The following LNX2 variants were observed in gnomAD, a reference collection of about 807,000 sequenced individuals.
The protein encoded by LNX2 is ligand of numb-protein X 2, also known as ligand of Numb protein X 2.
LNX2 carries 35 observed loss-of-function variants against 66.2 expected under a neutral mutation model. The ratio of observed to expected loss-of-function variants is 0.53; its 90% CI spans 0.40 to 0.70. The LOEUF is 0.70. Among genes scored for constraint, LNX2 ranks in the 30% least tolerant of loss-of-function variants. LNX2 has a pLI of 0.00. For missense variants in LNX2, 791 were observed against 850.8 expected (o/e 0.93, Z 0.87); for synonymous variants, 337 against 315.6 (o/e 1.07, Z -0.72).
chr13:27,548,449 G>A lies in LNX2; in HGVS notation c.1959C>T (p.Ala653=), dbSNP rs375661178. Residue 653 remains alanine (A), a synonymous_variant, in exon 10 of 10, where the codon GCC becomes GCT. Transcript: ENST00000316334. ...GRLKCGDMIV[A]VNGLSTVGMS... ...TGCCCACGGTTGACAGCCCATTTAC[G>A]GCCACAATCATGTCACCACACCTGG... 5.0e-6 allele frequency: 8 copies of A among 1,613,732 alleles called. No individual in the cohort carries two copies. The African/African-American group carries it at 5.3e-5, about 11-fold the overall frequency.
intron 2 of LNX2, among the ~76,000 whole-genome samples, chr13:27,578,298 T>C (rs1009879062): frequency 6.6e-6 from 1 of 152,244 alleles, no homozygotes; most frequent in African/African-American, 2.4e-5. Context: ...GCAACTTTTA[T>C]ACAATGACTC....
intron 1 of LNX2, among the ~76,000 whole-genome samples, chr13:27,590,431 C>A (rs1406620576): frequency 6.6e-6 from 1 of 151,810 alleles, no homozygotes; most frequent in Non-Finnish European, 1.5e-5. Context: ...GTTGGTCAGG[C>A]TGGTCTCGAA....
chr13:27,588,021 C>CCAAAAAAAAAAAA (rs1955509486), intron 1 of LNX2, among the ~76,000 whole-genome samples: 3 of 93,516 alleles, frequency 3.2e-5, no homozygotes, highest in African/African-American at 1.1e-4. Flanking sequence ...ACTCTTGTCA[C>CCAAAAAAAAAAAA]AAAAAAAAAA....
chr13:27,579,177 T>C lies in LNX2; in HGVS notation c.407+2120A>G, dbSNP rs11841418. On this transcript the variant is annotated intron_variant, in intron 2 of 9. Coordinates refer to ENST00000316334, the MANE Select transcript of LNX2 (RefSeq NM_153371.4). ...GAATAAACAAATGAACTATATTATT[T>C]AGGGTTGAATGTTGTATAATATACA... Among the ~76,000 whole-genome samples, 479 of 152,358 alleles carry C rather than the reference T, an allele frequency of 3.1e-3. 2 individuals carry two copies. Among genetic ancestry groups the C allele is most frequent in the African/African-American group, 0.011 (456 of 41,592 alleles).
intron 4 of LNX2, among the ~76,000 whole-genome samples, chr13:27,565,156 T>C (rs1242047089): frequency 1.3e-5 from 2 of 152,192 alleles, no homozygotes; most frequent in East Asian, 1.9e-4. Context: ...AAAAATATGG[T>C]TGATAATTTC....
intron 8 of LNX2, among the ~76,000 whole-genome samples, chr13:27,550,724 T>TG (rs1954998499): frequency 6.6e-6 from 1 of 150,680 alleles, no homozygotes; most frequent in Non-Finnish European, 1.5e-5. Context: ...CACACACACA[T>TG]ACACACACAC....
At chr13:27,553,855 TA>T (rs1414979584) in intron 7 of LNX2, among the ~76,000 whole-genome samples, 4 of 152,210 alleles carry the variant, frequency 2.6e-5, no homozygotes. Context: ...TTCTGCTTTA[TA>T]TTTACACAGT....
chr13:27,580,185 T>C (rs918963142), intron 2 of LNX2, among the ~76,000 whole-genome samples: 3 of 152,108 alleles, frequency 2.0e-5, no homozygotes, highest in Non-Finnish European at 4.4e-5. Context: ...AGAACATGAC[T>C]TGACCTACGA....
chr13:27,554,665 T>C (rs1593238342), intron 7 of LNX2, among the ~76,000 whole-genome samples: 1 of 152,232 alleles, frequency 6.6e-6, no homozygotes, highest in Non-Finnish European at 1.5e-5. Flanking sequence ...TTCCACTTTC[T>C]GGCTATTGTG....
At position 27,581,394 on chromosome 13, in the gene LNX2, GA is replaced by G; in HGVS notation, c.309del (p.His104IlefsTer4). On this transcript the variant is annotated frameshift_variant, in exon 2 of 10. Coordinates refer to ENST00000316334, the MANE Select transcript of LNX2 (RefSeq NM_153371.4). LOFTEE classifies it high-confidence loss of function. ...ACTAATAATTTGTCTAGGAGTTTATGAACTAGAATACTAGACTTCTTGCACA... is the reference window on the plus strand; with the variant it reads ...ACTAATAATTTGTCTAGGAGTTTATGACTAGAATACTAGACTTCTTGCACA... ...FKLCKKSSIL[V>X]HKLLDKLLVL... 2 of 1,599,710 alleles carry G rather than the reference GA, an allele frequency of 1.3e-6. No homozygotes were observed. Among genetic ancestry groups the G allele is most frequent in the Non-Finnish European group, 1.7e-6 (2 of 1,169,908 alleles).
chr13:27,556,227 C>T lies in LNX2; in HGVS notation c.1546+9G>A. The T allele has an allele frequency of 6.2e-7, 1 of 1,600,218 alleles. No homozygotes were observed. Among genetic ancestry groups the T allele is most frequent in the Middle Eastern group, 1.7e-4 (1 of 6,002 alleles). Reference sequence around the variant, plus strand: ...AGATGTGGTAAAATTTTTCAAGATCCCATCTTACCTCTCTTTATTCTGCCA... The same window carrying T: ...AGATGTGGTAAAATTTTTCAAGATCTCATCTTACCTCTCTTTATTCTGCCA... On this transcript the variant is annotated intron_variant, in intron 7 of 9. Transcript: ENST00000316334.
In LNX2 at chr13:27,607,313, G is replaced by C. The variant is rs138340095; in HGVS notation, c.-101+13062C>G. ...TATGGCATTCCTGGTTTCTAAAAAC[G>C]CACCACAACGTCAACTGATGAGTCA... On this transcript the variant is annotated intron_variant, in intron 1 of 9. Coordinates refer to ENST00000316334, the MANE Select transcript of LNX2 (RefSeq NM_153371.4). 2.6e-5 allele frequency among the ~76,000 whole-genome samples: 4 copies of C among 152,236 alleles called. No individual in the cohort carries two copies. In the East Asian group the frequency reaches 7.7e-4, roughly 29 times the overall value.
Position 27,553,262 on chromosome 13 carries a change from T to C in LNX2, c.1724A>G (p.Asn575Ser). 6.2e-7 allele frequency: 1 copy of C among 1,614,154 alleles called. No individual in the cohort carries two copies. Among genetic ancestry groups the C allele is most frequent in the Non-Finnish European group, 8.5e-7 (1 of 1,180,014 alleles). ...AEEQPSTFSE[N>S]EYDASWSPSW... ...TGGGGACCAACTGGCATCATACTCA[T>C]TTTCGCTGAAAGTACTCGGCTGCTC... is the stretch of plus-strand genomic sequence containing the variant. Residue 575 changes from asparagine to serine, a missense_variant, in exon 8 of 10, where the codon AAT becomes AGT. Asn to Ser is a conservative substitution (Grantham distance 46). Coordinates refer to ENST00000316334, the MANE Select transcript of LNX2 (RefSeq NM_153371.4).
chr13:27,575,656 C>T lies in LNX2; in HGVS notation c.407+5641G>A, dbSNP rs550869943. Among the ~76,000 whole-genome samples, 5 of 152,188 alleles carry T rather than the reference C, an allele frequency of 3.3e-5. No homozygotes were observed. The South Asian group carries it at 8.3e-4, about 25-fold the overall frequency. On this transcript the variant is annotated intron_variant, in intron 2 of 9. Transcript: ENST00000316334. ...GCTACTGACTTCCCTGGGTTGCCAG[C>T]GTGCAGAGAGCAGAACGTGTAATTT... is the stretch of plus-strand genomic sequence containing the variant.
intron 2 of LNX2, among the ~76,000 whole-genome samples, chr13:27,573,974 G>GGCATTA (rs1566121440): frequency 6.8e-6 from 1 of 147,528 alleles, no homozygotes; most frequent in African/African-American, 2.5e-5. Flanking sequence ...AGGAAGCCCA[G>GGCATTA]GCATTAGCTT....
intron 2 of LNX2, among the ~76,000 whole-genome samples, chr13:27,569,729 C>G (rs1469182583): frequency 1.3e-5 from 2 of 152,186 alleles, no homozygotes; most frequent in South Asian, 2.1e-4. Context: ...ACACTCTTCA[C>G]AGACACACGA....
chr13:27,574,854 C>G (rs546331472), intron 2 of LNX2, among the ~76,000 whole-genome samples: 3 of 152,266 alleles, frequency 2.0e-5, no homozygotes, highest in Non-Finnish European at 2.9e-5. Flanking sequence ...TCAATAGTAT[C>G]TGCTGATTTC....
chr13:27,599,758 A>G (rs766667732), intron 1 of LNX2, among the ~76,000 whole-genome samples: 18 of 152,206 alleles, frequency 1.2e-4, no homozygotes, highest in Non-Finnish European at 2.6e-4. Flanking sequence ...AAGGCACCCC[A>G]AAGAGGCAAA....
At chr13:27,582,746 TG>T (rs1481234466) in intron 1 of LNX2, among the ~76,000 whole-genome samples, 1 of 151,722 alleles carries the variant, frequency 6.6e-6, no homozygotes, top group Non-Finnish European at 1.5e-5. Context: ...TGTCAGGGGA[TG>T]GGGGGCTAGG....
Sources: allele counts gnomAD v4.1 joint callset (sites outside exome capture counted in the v4.1 genomes callset), GRCh38; gene constraint gnomAD v4.1.1; transcripts MANE v1.5; gene names NCBI Gene and HGNC (gene_info 2026-07-23, HGNC 2026-07-21).